WDR64: variants seen among roughly 807,000 people sequenced by gnomAD.
WDR64 encodes WD repeat-containing protein 64.
WDR64 carries 112 observed loss-of-function variants against 139.3 expected under a neutral mutation model. That is an observed-to-expected ratio of 0.80 (90% CI 0.69 to 0.94). The LOEUF (loss-of-function observed/expected upper bound fraction) is 0.94. Ranked by LOEUF, WDR64 falls within the 40% of genes least tolerant of loss-of-function variation. WDR64 has a pLI of 0.00. For missense variants in WDR64, 1,206 were observed against 1,293.1 expected (o/e 0.93, Z 1.03); for synonymous variants, 444 against 437.7 (o/e 1.01, Z -0.18).
At chr1:241,738,531 AT>A (rs1346864292) in intron 11 of WDR64, 42 bp downstream of exon 11, 2 of 1,567,612 alleles carry the variant, frequency 1.3e-6, no homozygotes, top group African/African-American at 2.7e-5. Flanking sequence ...TCATGTCTTG[AT>A]TTTTAACCTT....
chr1:241,799,848 T>G (rs142856391), intron 27 of WDR64, among the ~76,000 whole-genome samples: 1 of 152,276 alleles, frequency 6.6e-6, no homozygotes, highest in Non-Finnish European at 1.5e-5. Context: ...CTGATGTAAT[T>G]TTTTTCATAG....
intron 6 of WDR64, among the ~76,000 whole-genome samples, chr1:241,680,413 A>G (rs1303595593): frequency 1.3e-5 from 2 of 152,158 alleles, no homozygotes; most frequent in African/African-American, 4.8e-5. Flanking sequence ...GTACTTTATT[A>G]TGTGCTGTGT....
chr1:241,767,232 G>A (rs1658213632), intron 16 of WDR64, among the ~76,000 whole-genome samples: 1 of 152,082 alleles, frequency 6.6e-6, no homozygotes, highest in Admixed American at 6.6e-5. Flanking sequence ...ACAGATTGGG[G>A]CTAACAAGGG....
At chr1:241,791,027 T>C (rs1257831487) in intron 25 of WDR64, among the ~76,000 whole-genome samples, 15 of 152,204 alleles carry the variant, frequency 9.9e-5, no homozygotes, top group Non-Finnish European at 1.5e-5. Context: ...GGCTTACCTC[T>C]GTAATCTCAG....
intron 8 of WDR64, among the ~76,000 whole-genome samples, chr1:241,705,707 C>A (rs1270497125): frequency 1.3e-5 from 2 of 152,070 alleles, no homozygotes; most frequent in African/African-American, 2.4e-5. Context: ...CCTGCCTCAG[C>A]CTCCTGAGTG....
At chr1:241,754,593 C>G (rs1279724755) in intron 14 of WDR64, among the ~76,000 whole-genome samples, 1 of 152,138 alleles carries the variant, frequency 6.6e-6, no homozygotes, top group East Asian at 1.9e-4. Flanking sequence ...GCTGGAATTA[C>G]AGGCGTCAGC....
intron 21 of WDR64, among the ~76,000 whole-genome samples, chr1:241,777,417 CTT>C (rs35263289): frequency 0.23 from 33,896 of 147,778 alleles, 3,977 homozygotes; most frequent in East Asian, 0.39. Flanking sequence ...GTAATTTCAC[CTT>C]TTTTTTTTTT....
chr1:241,709,360 C>T (rs991161478), intron 8 of WDR64, among the ~76,000 whole-genome samples: 3 of 152,128 alleles, frequency 2.0e-5, no homozygotes, highest in East Asian at 1.9e-4. Context: ...CATTCTTGCC[C>T]GAGGTCTAGG....
intron 22 of WDR64, among the ~76,000 whole-genome samples, chr1:241,780,630 C>A (rs1370231238): frequency 6.6e-6 from 1 of 152,014 alleles, no homozygotes; most frequent in Non-Finnish European, 1.5e-5. Flanking sequence ...CAAGTATTAA[C>A]AAGGGGTTTA....
chr1:241,706,384 T>C (rs1667956525), intron 8 of WDR64, among the ~76,000 whole-genome samples: 1 of 152,146 alleles, frequency 6.6e-6, no homozygotes, highest in Non-Finnish European at 1.5e-5. Flanking sequence ...TAAGACAGGG[T>C]AAAAGAAAAT....
In WDR64 at chr1:241,683,557, ATC is replaced by A. The variant is rs1430036117; in HGVS notation, c.699_700del (p.Cys234ProfsTer3). The A allele has an allele frequency of 2.4e-5, 37 of 1,551,652 alleles. No individual in the cohort carries two copies. The highest frequency in any genetic ancestry group is 1.7e-4 in the Middle Eastern group (1 of 6,014). ...GTGTGTGTGGTGCCTTTGCCTGACC[ATC>A]TCTGCCGAGATGACATCCTCTTGGG... On this transcript the variant is annotated frameshift_variant, in exon 7 of 28. Coordinates refer to ENST00000437684, the MANE Select transcript of WDR64 (RefSeq NM_001367482.1). LOFTEE classifies it high-confidence loss of function.
intron 15 of WDR64, among the ~76,000 whole-genome samples, chr1:241,765,396 T>A (rs4129118): frequency 0.74 from 112,243 of 151,890 alleles, 41,902 homozygotes; most frequent in Non-Finnish European, 0.8. Context: ...AAAAAAAATG[T>A]ATTTGAGATA....
intron 10 of WDR64, among the ~76,000 whole-genome samples, chr1:241,736,140 G>A (rs1669315656): frequency 6.6e-6 from 1 of 152,090 alleles, no homozygotes; most frequent in African/African-American, 2.4e-5. Flanking sequence ...CAGGCATGGA[G>A]GTCTTCTGGT....
At chr1:241,736,551 G>A (rs558704894) in intron 10 of WDR64, among the ~76,000 whole-genome samples, 4 of 152,036 alleles carry the variant, frequency 2.6e-5, no homozygotes, top group African/African-American at 9.7e-5. Context: ...AAAACACTTC[G>A]GTATGACAGT....
rs541351984 is a variant in WDR64 at position 241,690,211 on chromosome 1, A to G, written c.974+2616A>G. On this transcript the variant is annotated intron_variant, in intron 8 of 27. Transcript: ENST00000437684. ...AAACTGGCTGGGCGCAGTGGCTCAC[A>G]CCTGTAATCCCAGGACTTTGGGAGG... Among the ~76,000 whole-genome samples, 4 of 152,190 alleles carry G rather than the reference A, an allele frequency of 2.6e-5. 1 individual carries two copies. The South Asian group carries it at 6.2e-4, about 24-fold the overall frequency.
At chr1:241,690,028 T>C (rs7543214) in intron 8 of WDR64, among the ~76,000 whole-genome samples, 79,507 of 151,492 alleles carry the variant, frequency 0.52, 21,620 homozygotes, top group African/African-American at 0.67. Context: ...GAAGAAAAGG[T>C]ACATTTGAAG....
intron 15 of WDR64, among the ~76,000 whole-genome samples, chr1:241,766,002 G>A (rs756934392): frequency 1.3e-5 from 2 of 152,218 alleles, no homozygotes; most frequent in Non-Finnish European, 2.9e-5. Flanking sequence ...CAGTAAACAG[G>A]AAGAGTATAT....
intron 27 of WDR64, among the ~76,000 whole-genome samples, chr1:241,800,263 T>A (rs1456205942): frequency 1.3e-5 from 2 of 152,150 alleles, no homozygotes; most frequent in South Asian, 2.1e-4. Flanking sequence ...AAAGGATCCG[T>A]AAGTGGTTGA....
Position 241,652,391 on chromosome 1 carries a change from C to A in WDR64, c.-94C>A. On this transcript the variant is annotated 5_prime_UTR_variant, in exon 1 of 28. Transcript: ENST00000437684. ...ATTAGACCTAGGGCAAAAACTGAGA[C>A]AGCAGGGAGGCACTGTAACAACTGG... 1.5e-6 allele frequency: 2 copies of A among 1,328,842 alleles called. No individual in the cohort carries two copies. The highest frequency in any genetic ancestry group is 2.0e-6 in the Non-Finnish European group (2 of 982,354). The allele number at this position is 1,328,842 out of a possible 1,614,324, so 82.3% of individuals were successfully genotyped here. A position where few individuals can be genotyped will look rare whatever the true frequency, so the allele number is the denominator to read the frequency against.
Sources: gnomAD v4.1 joint callset for allele counts (sites outside exome capture counted in the v4.1 genomes callset) on GRCh38, gnomAD v4.1.1 for gene constraint, MANE v1.5 for transcripts, NCBI Gene and HGNC (gene_info 2026-07-23, HGNC 2026-07-21) for gene names.